Variants in TCF7L2 observed in about 807,000 individuals in gnomAD.
TCF7L2 encodes the protein transcription factor 7 like 2, also known as transcription factor 7-like 2.
A neutral mutation model predicts 77.9 loss-of-function variants in TCF7L2; 23 were observed. The observed-to-expected ratio is 0.30, with a 90% CI of 0.21 to 0.42. The LOEUF (loss-of-function observed/expected upper bound fraction) is 0.42, where lower values mean the gene tolerates loss of function less well. Ranked by LOEUF, TCF7L2 falls within the 10% of genes least tolerant of loss-of-function variation. TCF7L2 has a pLI of 1.00. For missense variants in TCF7L2, 654 were observed against 793.1 expected (o/e 0.82, Z 2.11); for synonymous variants, 413 against 340.2 (o/e 1.21, Z -2.36).
At chr10:113,043,289 T>C (rs149180139) in intron 5 of TCF7L2, among the ~76,000 whole-genome samples, 15 of 152,236 alleles carry the variant, frequency 9.9e-5, no homozygotes, top group Admixed American at 9.2e-4. Flanking sequence ...TTTAATCTGA[T>C]TGGATTATTT....
At chr10:112,972,593 C>T (rs551800284) in intron 4 of TCF7L2, among the ~76,000 whole-genome samples, 2 of 152,172 alleles carry the variant, frequency 1.3e-5, no homozygotes, top group African/African-American at 4.8e-5. Flanking sequence ...ACCTCAGCCT[C>T]TTGAGTAGCT....
chr10:113,114,689 G>A (rs113529633), intron 5 of TCF7L2, among the ~76,000 whole-genome samples: 2 of 152,078 alleles, frequency 1.3e-5, no homozygotes, highest in Non-Finnish European at 1.5e-5. Flanking sequence ...AATTGTAATG[G>A]CTTTGCACGG....
chr10:113,008,123 T>G (rs1225564890), intron 4 of TCF7L2, among the ~76,000 whole-genome samples: 1 of 152,248 alleles, frequency 6.6e-6, no homozygotes, highest in East Asian at 1.9e-4. Context: ...GCAGACACTT[T>G]GGTTGTTGTT....
At chr10:113,086,173 A>G (rs550266650) in intron 5 of TCF7L2, among the ~76,000 whole-genome samples, 6 of 152,188 alleles carry the variant, frequency 3.9e-5, no homozygotes, top group Admixed American at 3.9e-4. Flanking sequence ...AACACCTTCA[A>G]TTTTTCCCAC....
chr10:113,115,728 G>A lies in TCF7L2; in HGVS notation c.553-25456G>A, dbSNP rs182599318. ...CAAGAGCACTGGATCTGTATCTAAT[G>A]GAGCTGTGTGCGGCCTCCATTTCAA... On this transcript the variant is annotated intron_variant, in intron 5 of 13. Coordinates refer to ENST00000627217, the MANE Select transcript of TCF7L2 (RefSeq NM_001146274.2). 3.3e-5 allele frequency among the ~76,000 whole-genome samples: 5 copies of A among 152,212 alleles called. No individual in the cohort carries two copies. The East Asian group carries it at 7.7e-4, about 24-fold the overall frequency.
At position 113,161,598 on chromosome 10, in the gene TCF7L2, A is replaced by G. The variant is rs566094616; in HGVS notation, c.1391+907A>G. 1.9e-4 allele frequency: 298 copies of G among 1,536,128 alleles called. 1 individual carries two copies. The African/African-American group carries it at 3.6e-3, about 18-fold the overall frequency. On this transcript the variant is annotated intron_variant, in intron 13 of 13. Transcript: ENST00000627217. ...AAGCAGTCTTTGAATTTGGAATATT[A>G]CAATGGTAGGTATTTCAACACCCTA...
At chr10:113,158,819 A>ATGTTCAAATGT in intron 12 of TCF7L2, 102 bp downstream of exon 13, 1 of 1,228,282 alleles carries the variant, frequency 8.1e-7, no homozygotes, top group Non-Finnish European at 1.1e-6. Context: ...TGACATTTGA[A>ATGTTCAAATGT]CATTCTTTAA....
chr10:113,056,896 T>A (rs2055476571), intron 5 of TCF7L2, among the ~76,000 whole-genome samples: 1 of 152,156 alleles, frequency 6.6e-6, no homozygotes. Context: ...GTTCCTGCCT[T>A]GGGCCTCTAC....
intron 5 of TCF7L2, among the ~76,000 whole-genome samples, chr10:113,089,703 C>T (rs1490546600): frequency 6.6e-6 from 1 of 152,080 alleles, no homozygotes; most frequent in Non-Finnish European, 1.5e-5. Context: ...GTGTGCTGAC[C>T]GCTGATAGGG....
intron 4 of TCF7L2, among the ~76,000 whole-genome samples, chr10:112,995,732 C>T (rs1382135720): frequency 2.0e-5 from 3 of 152,132 alleles, no homozygotes; most frequent in Non-Finnish European, 4.4e-5. Flanking sequence ...ACCTCCCTTT[C>T]CTGAGAGTCA....
intron 5 of TCF7L2, among the ~76,000 whole-genome samples, chr10:113,096,322 G>A (rs1052827852): frequency 1.3e-5 from 2 of 152,260 alleles, no homozygotes; most frequent in Admixed American, 6.5e-5. Flanking sequence ...CCCAGACTCT[G>A]GAACTTAATT....
At chr10:113,145,536 A>G (rs1158075626) in intron 7 of TCF7L2, among the ~76,000 whole-genome samples, 1 of 152,230 alleles carries the variant, frequency 6.6e-6, no homozygotes, top group African/African-American at 2.4e-5. Context: ...ACAAAAGGCT[A>G]CAAATTAAGC....
chr10:112,952,102 G>A (rs2031793697), intron 3 of TCF7L2, among the ~76,000 whole-genome samples: 1 of 152,168 alleles, frequency 6.6e-6, no homozygotes, highest in South Asian at 2.1e-4. Flanking sequence ...ACGAGTGACT[G>A]ACTGTGCTGC....
At chr10:113,037,437 C>T (rs1317912048) in intron 4 of TCF7L2, among the ~76,000 whole-genome samples, 1 of 152,118 alleles carries the variant, frequency 6.6e-6, no homozygotes, top group Non-Finnish European at 1.5e-5. Flanking sequence ...GTCTCATTTC[C>T]TCCAACAATA....
At chr10:112,962,013 G>A (rs1237347479) in intron 3 of TCF7L2, among the ~76,000 whole-genome samples, 1 of 152,262 alleles carries the variant, frequency 6.6e-6, no homozygotes, top group South Asian at 2.1e-4. Flanking sequence ...TTCAATTACA[G>A]CATTCTCTCT....
intron 5 of TCF7L2, among the ~76,000 whole-genome samples, chr10:113,111,454 T>C (rs985110695): frequency 1.7e-4 from 26 of 152,184 alleles, no homozygotes; most frequent in Non-Finnish European, 1.9e-4. Context: ...ACTGTGTTTA[T>C]GGAAACAGCA....
Position 113,040,014 on chromosome 10 carries a change from C to A in TCF7L2, c.451-11C>A, listed in dbSNP as rs2052159306. The A allele has an allele frequency of 1.2e-6, 2 of 1,610,466 alleles. No homozygotes were observed. The highest frequency in any genetic ancestry group is 1.7e-6 in the Non-Finnish European group (2 of 1,178,184). On this transcript the variant is annotated splice_polypyrimidine_tract_variant and intron_variant, in intron 4 of 13. Coordinates refer to ENST00000627217, the MANE Select transcript of TCF7L2 (RefSeq NM_001146274.2). ...ATTGTTTTTCATTTCACTTTTGTTTCCTCTCGCCAGTATCTCCAGATGAAA... is the reference window on the plus strand; with the variant it reads ...ATTGTTTTTCATTTCACTTTTGTTTACTCTCGCCAGTATCTCCAGATGAAA...
At chr10:113,040,192 A>T in intron 5 of TCF7L2, 66 bp downstream of exon 5, 1 of 1,365,566 alleles carries the variant, frequency 7.3e-7, no homozygotes, top group Non-Finnish European at 1.0e-6. Context: ...TGCTTTTTTG[A>T]TGATAACAGG....
chr10:112,961,802 T>C (rs1348884620), intron 3 of TCF7L2, among the ~76,000 whole-genome samples: 1 of 90,990 alleles, frequency 1.1e-5, no homozygotes, highest in African/African-American at 4.2e-5. Flanking sequence ...TCTGTGTCGC[T>C]GGGCACGTGA....
Sources: gnomAD v4.1 joint callset for allele counts (sites outside exome capture counted in the v4.1 genomes callset) on GRCh38, gnomAD v4.1.1 for gene constraint, MANE v1.5 for transcripts, NCBI Gene and HGNC (gene_info 2026-07-23, HGNC 2026-07-21) for gene names.